Variants in PDZRN4 observed in about 807,000 individuals in gnomAD.
PDZRN4 encodes the protein PDZ domain-containing RING finger protein 4.
Under a neutral mutation model 99.0 loss-of-function variants are expected in PDZRN4, and 70 were observed. The observed-to-expected ratio is 0.71, with a 90% CI of 0.58 to 0.86. The LOEUF (loss-of-function observed/expected upper bound fraction) is 0.86, where lower values mean the gene tolerates loss of function less well. Ranked by LOEUF, PDZRN4 falls within the 40% of genes least tolerant of loss-of-function variation. The probability of loss-of-function intolerance (pLI) is 0.00; values close to 1 mark genes in which losing one functional copy is unlikely to be tolerated. For missense variants in PDZRN4, 1,474 were observed against 1,331.2 expected (o/e 1.11, Z -1.67); for synonymous variants, 551 against 501.6 (o/e 1.10, Z -1.32).
intron 3 of PDZRN4, among the ~76,000 whole-genome samples, chr12:41,343,084 G>A (rs1951828893): frequency 6.6e-6 from 1 of 151,862 alleles, no homozygotes; most frequent in South Asian, 2.1e-4. Flanking sequence ...AACATAGATG[G>A]GCCTGGAGGA....
intron 3 of PDZRN4, among the ~76,000 whole-genome samples, chr12:41,344,556 A>G (rs1483119980): frequency 1.3e-5 from 2 of 151,888 alleles, no homozygotes; most frequent in Non-Finnish European, 2.9e-5. Context: ...GAAAAAAAGA[A>G]AAAACAACTT....
chr12:41,258,449 T>C (rs898785613), intron 3 of PDZRN4, among the ~76,000 whole-genome samples: 11 of 152,108 alleles, frequency 7.2e-5, no homozygotes, highest in African/African-American at 2.4e-4. Flanking sequence ...GTAAGAGTCA[T>C]TGGTGATAGA....
intron 3 of PDZRN4, among the ~76,000 whole-genome samples, chr12:41,436,951 A>C (rs1234779832): frequency 6.6e-6 from 1 of 152,152 alleles, no homozygotes; most frequent in Admixed American, 6.6e-5. Flanking sequence ...AAGCATTTGA[A>C]ATTTTTCTTA....
intron 3 of PDZRN4, among the ~76,000 whole-genome samples, chr12:41,208,971 T>C (rs1950868817): frequency 6.6e-6 from 1 of 152,004 alleles, no homozygotes; most frequent in Non-Finnish European, 1.5e-5. Flanking sequence ...GCAAGTTAAG[T>C]TACATGAAGT....
chr12:41,488,960 G>T (rs1937829128), intron 3 of PDZRN4, among the ~76,000 whole-genome samples: 1 of 152,164 alleles, frequency 6.6e-6, no homozygotes, highest in African/African-American at 2.4e-5. Context: ...ACCCTCCGGG[G>T]CAAGTTTTTC....
At chr12:41,437,875 C>A (rs1268303599) in intron 3 of PDZRN4, 54 of 1,612,730 alleles carry the variant, frequency 3.3e-5, no homozygotes, top group Non-Finnish European at 4.4e-5. Flanking sequence ...GAGGGTGATT[C>A]CCTTTCAGTT....
intron 3 of PDZRN4, among the ~76,000 whole-genome samples, chr12:41,411,063 A>ATT (rs1158997586): frequency 9.7e-6 from 1 of 103,322 alleles, no homozygotes; most frequent in Non-Finnish European, 2.0e-5. Context: ...ATATATATAT[A>ATT]TATATTTTTT....
intron 3 of PDZRN4, among the ~76,000 whole-genome samples, chr12:41,289,302 T>C (rs1951441312): frequency 6.6e-6 from 1 of 152,186 alleles, no homozygotes; most frequent in South Asian, 2.1e-4. Context: ...TTAAGCTCAT[T>C]TTAAACATTC....
At chr12:41,357,408 T>A (rs1467546086) in intron 3 of PDZRN4, among the ~76,000 whole-genome samples, 2 of 151,976 alleles carry the variant, frequency 1.3e-5, no homozygotes, top group African/African-American at 4.8e-5. Context: ...GTGCTTGACG[T>A]ATTCTAAGGC....
At chr12:41,302,029 A>G (rs1256573365) in intron 3 of PDZRN4, among the ~76,000 whole-genome samples, 1 of 152,084 alleles carries the variant, frequency 6.6e-6, no homozygotes, top group Admixed American at 6.6e-5. Context: ...TCTGTTTTCA[A>G]TTATAACATT....
At position 41,494,332 on chromosome 12, in the gene PDZRN4, G is replaced by A. The variant is rs1182000469; in HGVS notation, c.844-12124G>A. ...ATTTTTTCACATAGTGTCATCTTCA[G>A]CAAGTTGCTTAAGTTATTTAGTTTT... On this transcript the variant is annotated intron_variant, in intron 3 of 9. Transcript: ENST00000402685. Among the ~76,000 whole-genome samples the A allele has an allele frequency of 2.0e-5, 3 of 152,000 alleles. No homozygotes were observed. The East Asian group carries it at 5.8e-4, about 29-fold the overall frequency.
chr12:41,500,580 C>G (rs1443084663), intron 3 of PDZRN4, among the ~76,000 whole-genome samples: 2 of 151,970 alleles, frequency 1.3e-5, no homozygotes, highest in Non-Finnish European at 2.9e-5. Context: ...TCATTGATAA[C>G]CTTTTTTTTA....
intron 3 of PDZRN4, among the ~76,000 whole-genome samples, chr12:41,498,248 A>G (rs1277224951): frequency 1.3e-5 from 2 of 152,104 alleles, no homozygotes; most frequent in Non-Finnish European, 2.9e-5. Flanking sequence ...CCACTTCTGG[A>G]CATTCCTGCT....
At chr12:41,520,760 T>A (rs1402838876) in intron 5 of PDZRN4, among the ~76,000 whole-genome samples, 2 of 151,932 alleles carry the variant, frequency 1.3e-5, no homozygotes, top group African/African-American at 4.8e-5. Flanking sequence ...CAGAGAAAGA[T>A]GTCAGCAGTA....
At chr12:41,220,023 C>A (rs190799357) in intron 3 of PDZRN4, among the ~76,000 whole-genome samples, 12 of 152,196 alleles carry the variant, frequency 7.9e-5, no homozygotes, top group Admixed American at 1.3e-4. Flanking sequence ...TCAGAAAGAT[C>A]TGTGCCCAGC....
chr12:41,230,123 TGGGGAGG>T, intron 3 of PDZRN4, among the ~76,000 whole-genome samples: 1 of 152,092 alleles, frequency 6.6e-6, no homozygotes, highest in East Asian at 1.9e-4. Flanking sequence ...ACATTGCTGC[TGGGGAGG>T]GCACTATGTC....
At chr12:41,272,329 G>T (rs1174706365) in intron 3 of PDZRN4, among the ~76,000 whole-genome samples, 1 of 152,026 alleles carries the variant, frequency 6.6e-6, no homozygotes, top group East Asian at 1.9e-4. Flanking sequence ...TTCTAACTCA[G>T]TTGAGACATA....
chr12:41,390,454 G>T (rs1414186875), intron 3 of PDZRN4, among the ~76,000 whole-genome samples: 2 of 147,624 alleles, frequency 1.4e-5, no homozygotes, highest in African/African-American at 5.0e-5. Context: ...AACTTCTAAG[G>T]GGTGAGAACA....
At chr12:41,235,828 A>C (rs1951063259) in intron 3 of PDZRN4, among the ~76,000 whole-genome samples, 1 of 152,208 alleles carries the variant, frequency 6.6e-6, no homozygotes, top group Non-Finnish European at 1.5e-5. Flanking sequence ...GGCACACCAA[A>C]AATATTTGTT....
Sources: allele counts gnomAD v4.1 joint callset (sites outside exome capture counted in the v4.1 genomes callset), GRCh38; gene constraint gnomAD v4.1.1; transcripts MANE v1.5; gene names NCBI Gene and HGNC (gene_info 2026-07-23, HGNC 2026-07-21).